Variants in NDUFA13 observed in about 807,000 individuals in gnomAD.
The protein encoded by NDUFA13 is NADH:ubiquinone oxidoreductase subunit A13, also known as NADH dehydrogenase [ubiquinone] 1 alpha subcomplex subunit 13.
NDUFA13 carries 16 observed loss-of-function variants against 17.0 expected under a neutral mutation model. The ratio of observed to expected loss-of-function variants is 0.94; its 90% CI spans 0.64 to 1.43. The LOEUF is 1.43. Among genes scored for constraint, NDUFA13 ranks in the 40% most tolerant of loss-of-function variants. The pLI, the probability that NDUFA13 is intolerant of heterozygous loss-of-function variation, is 0.00. For missense variants in NDUFA13, 228 were observed against 206.7 expected (o/e 1.10, Z -0.63); for synonymous variants, 87 against 78.4 (o/e 1.11, Z -0.58).
chr19:19,523,885 G>A (rs2061089237), intron 1 of NDUFA13, among the ~76,000 whole-genome samples: 1 of 152,140 alleles, frequency 6.6e-6, no homozygotes, highest in Non-Finnish European at 1.5e-5. Context: ...GGCTGAGATC[G>A]CACCACTGCA....
At chr19:19,527,967 G>A (rs1177316902) in intron 4 of NDUFA13, 40 bp from the exon 5 acceptor site, 1 of 1,608,080 alleles carries the variant, frequency 6.2e-7, no homozygotes, top group Non-Finnish European at 8.5e-7. Context: ...GGCTGTATAT[G>A]GGTGGCTGTG....
chr19:19,516,261 A>G lies in NDUFA13; in HGVS notation c.23A>G (p.Gln8Arg), dbSNP rs1003592932. The G allele has an allele frequency of 5.6e-6, 9 of 1,613,872 alleles. No individual in the cohort carries two copies. The highest frequency in any genetic ancestry group is 1.3e-5 in the African/African-American group (1 of 74,928). Residue 8 changes from glutamine to arginine, a missense_variant, in exon 1 of 5, where the codon CAG becomes CGG. Coordinates refer to ENST00000507754, the MANE Select transcript of NDUFA13 (RefSeq NM_015965.7). ...AGTATGGCGGCGTCAAAGGTGAAGC[A>G]GGACATGCCTCCGCCGGGGGGCTAT... MAASKVK[Q>R]DMPPPGGYGP...
intron 1 of NDUFA13, among the ~76,000 whole-genome samples, chr19:19,520,919 G>T (rs2061074282): frequency 6.6e-6 from 1 of 152,098 alleles, no homozygotes; most frequent in African/African-American, 2.4e-5. Context: ...TTCATTTTTT[G>T]ATGGGCACTT....
chr19:19,526,324 A>T, intron 2 of NDUFA13, 64 bp downstream of exon 2: 2 of 1,567,420 alleles, frequency 1.3e-6, no homozygotes, highest in Non-Finnish European at 1.7e-6. Context: ...GTCCTGTAGC[A>T]TTCCGCTGTT....
In NDUFA13 at chr19:19,516,289, G is replaced by C. The variant is rs775150533; in HGVS notation, c.51G>C (p.Gly17=). 1.9e-6 allele frequency: 3 copies of C among 1,613,894 alleles called. No individual in the cohort carries two copies. The highest frequency in any genetic ancestry group is 2.5e-6 in the Non-Finnish European group (3 of 1,180,026). Residue 17 remains glycine, a synonymous_variant, in exon 1 of 5, where the codon GGG becomes GGC. Coordinates refer to ENST00000507754, the MANE Select transcript of NDUFA13 (RefSeq NM_015965.7). ...KQDMPPPGGY[G]PIDYKRNLPR... Reference sequence around the variant, plus strand: ...ACATGCCTCCGCCGGGGGGCTATGGGCCCATCGACTACAAACGGAACTTGC... The same window carrying C: ...ACATGCCTCCGCCGGGGGGCTATGGCCCCATCGACTACAAACGGAACTTGC...
chr19:19,527,578 A>G, intron 3 of NDUFA13, 123 bp from the exon 4 acceptor site: 1 of 968,092 alleles, frequency 1.0e-6, no homozygotes, highest in Non-Finnish European at 1.6e-6. Flanking sequence ...AAAAGCTAGG[A>G]GTTGGCTGGG....
chr19:19,526,754 G>T, intron 2 of NDUFA13: 1 of 287,688 alleles, frequency 3.5e-6, no homozygotes, highest in Non-Finnish European at 6.8e-6. Flanking sequence ...CTGTGTCACA[G>T]GCTGGGCACT....
At chr19:19,526,342 C>G (rs187845535) in intron 2 of NDUFA13, 82 bp downstream of exon 2, 9 of 1,497,230 alleles carry the variant, frequency 6.0e-6, no homozygotes, top group Middle Eastern at 1.7e-4. Context: ...GTTGTCTGTG[C>G]TGGCGAGGGG....
chr19:19,517,485 T>C (rs2061055388), intron 1 of NDUFA13, among the ~76,000 whole-genome samples: 1 of 152,192 alleles, frequency 6.6e-6, no homozygotes, highest in Non-Finnish European at 1.5e-5. Context: ...GTGATGGGAC[T>C]ATCGGCATGA....
At chr19:19,523,759 C>T (rs1292990229) in intron 1 of NDUFA13, among the ~76,000 whole-genome samples, 1 of 152,152 alleles carries the variant, frequency 6.6e-6, no homozygotes, top group African/African-American at 2.4e-5. Flanking sequence ...GAAACCTCGT[C>T]TCTACTAAAA....
At chr19:19,517,918 G>A (rs1433704035) in intron 1 of NDUFA13, among the ~76,000 whole-genome samples, 1 of 152,184 alleles carries the variant, frequency 6.6e-6, no homozygotes, top group Non-Finnish European at 1.5e-5. Context: ...TGGCTGGCCA[G>A]AAAGTTTCAG....
intron 2 of NDUFA13, chr19:19,526,472 CT>C: frequency 1.6e-6 from 1 of 617,748 alleles, no homozygotes; most frequent in Non-Finnish European, 2.9e-6. Flanking sequence ...AATCCCAGCA[CT>C]TTGGGAGGCC....
chr19:19,522,679 C>T (rs1024570112), intron 1 of NDUFA13, among the ~76,000 whole-genome samples: 4 of 151,902 alleles, frequency 2.6e-5, no homozygotes, highest in Admixed American at 6.6e-5. Flanking sequence ...AGGGTTTCAC[C>T]GTGTTAGCCA....
chr19:19,519,407 C>G (rs946397133), intron 1 of NDUFA13, among the ~76,000 whole-genome samples: 5 of 152,168 alleles, frequency 3.3e-5, no homozygotes, highest in African/African-American at 1.2e-4. Context: ...AGTGGCCCCC[C>G]CTGTGCCAGA....
intron 3 of NDUFA13, 39 bp downstream of exon 3, chr19:19,527,391 G>A (rs745953960): frequency 5.0e-6 from 8 of 1,608,698 alleles, no homozygotes; most frequent in East Asian, 2.2e-5. Flanking sequence ...GTCACTGGCC[G>A]GAAGGCCCCA....
rs1448247380 is a variant in NDUFA13, at chr19:19,528,197, G to A, written c.*71G>A. 1.9e-6 allele frequency: 3 copies of A among 1,597,246 alleles called. No homozygotes were observed. Among genetic ancestry groups the A allele is most frequent in the Non-Finnish European group, 2.5e-6 (3 of 1,177,010 alleles). ...GACGGAATAAATGCTCTGCAGACCT[G>A]GCCTGCCTGTTTTCCTGGGGACTGG... On this transcript the variant is annotated 3_prime_UTR_variant, in exon 5 of 5. Coordinates refer to ENST00000507754, the MANE Select transcript of NDUFA13 (RefSeq NM_015965.7).
rs397963977 is a variant in NDUFA13, at chr19:19,519,971, C to CTTT, written c.94+3658_94+3660dup. Among the ~76,000 whole-genome samples the CTTT allele has an allele frequency of 8.8e-3, 1,054 of 120,212 alleles. 29 individuals carry two copies. Among genetic ancestry groups the CTTT allele is most frequent in the African/African-American group, 0.023 (711 of 31,470 alleles). The allele number at this position is 120,212 out of a possible 152,430, so 78.9% of individuals were successfully genotyped here. Reference sequence around the variant, plus strand: ...GCTGGCTCAGGCTGCTTTTTGTTCTCTTTTTTTTTTTTTTTTTTTTTGAGA... The same window carrying CTTT: ...GCTGGCTCAGGCTGCTTTTTGTTCTCTTTTTTTTTTTTTTTTTTTTTTTTGAGA... On this transcript the variant is annotated intron_variant, in intron 1 of 4. Coordinates refer to ENST00000507754, the MANE Select transcript of NDUFA13 (RefSeq NM_015965.7).
intron 1 of NDUFA13, 65 bp from the exon 2 acceptor site, chr19:19,526,117 C>A: frequency 6.3e-7 from 1 of 1,592,670 alleles, no homozygotes; most frequent in Non-Finnish European, 8.5e-7. Flanking sequence ...GTGGGCAGCG[C>A]CTGGAGCTGT....
chr19:19,522,477 CTTTTTT>C (rs3067694), intron 1 of NDUFA13, among the ~76,000 whole-genome samples: 2 of 95,036 alleles, frequency 2.1e-5, no homozygotes, highest in African/African-American at 4.8e-5. Flanking sequence ...GTCTTTGATC[CTTTTTT>C]TTTTTTTTTT....
Sources: gnomAD v4.1 joint callset for allele counts (sites outside exome capture counted in the v4.1 genomes callset) on GRCh38, gnomAD v4.1.1 for gene constraint, MANE v1.5 for transcripts, NCBI Gene and HGNC (gene_info 2026-07-23, HGNC 2026-07-21) for gene names.